Variants in TUNAR observed in about 807,000 individuals in gnomAD.
TUNAR encodes protein TUNAR.
intron 2 of TUNAR, among the ~76,000 whole-genome samples, chr14:95,890,599 C>T (rs578033181): frequency 1.2e-4 from 18 of 152,274 alleles, no homozygotes; most frequent in Admixed American, 5.9e-4. Context: ...AGAAATAGCA[C>T]GTTCACTACA....
chr14:95,897,433 T>C (rs1026043045), intron 2 of TUNAR, among the ~76,000 whole-genome samples: 2 of 152,252 alleles, frequency 1.3e-5, no homozygotes, highest in Non-Finnish European at 2.9e-5. Flanking sequence ...GTGAGGTTGT[T>C]AATCCATATT....
chr14:95,903,410 T>C (rs577705673), intron 2 of TUNAR, among the ~76,000 whole-genome samples: 1 of 152,276 alleles, frequency 6.6e-6, no homozygotes, highest in African/African-American at 2.4e-5. Flanking sequence ...AGCACGATTG[T>C]CCCTGTGCAG....
At chr14:95,903,693 G>A (rs1595121478) in intron 2 of TUNAR, among the ~76,000 whole-genome samples, 1 of 152,242 alleles carries the variant, frequency 6.6e-6, no homozygotes, top group African/African-American at 2.4e-5. Context: ...ACAGAAGGTC[G>A]TTATTATCTC....
intron 2 of TUNAR, among the ~76,000 whole-genome samples, chr14:95,893,458 T>G (rs945728364): frequency 4.6e-5 from 7 of 152,136 alleles, no homozygotes; most frequent in Non-Finnish European, 8.8e-5. Flanking sequence ...CCCTCACTCC[T>G]TATGGCTCTA....
chr14:95,884,647 G>A (rs1566784878), intron 2 of TUNAR, among the ~76,000 whole-genome samples: 1 of 152,116 alleles, frequency 6.6e-6, no homozygotes, highest in Non-Finnish European at 1.5e-5. Context: ...TTTTTTCGAG[G>A]AAGTTTCTGG....
intron 2 of TUNAR, among the ~76,000 whole-genome samples, chr14:95,878,860 A>C (rs900751031): frequency 1.3e-5 from 2 of 152,264 alleles, no homozygotes; most frequent in Non-Finnish European, 2.9e-5. Flanking sequence ...ACAATGCATT[A>C]AGAAGATGCC....
intron 2 of TUNAR, among the ~76,000 whole-genome samples, chr14:95,918,273 ACT>A (rs1423262196): frequency 1.3e-5 from 2 of 151,532 alleles, no homozygotes; most frequent in Non-Finnish European, 2.9e-5. Flanking sequence ...TTCCCGTTAC[ACT>A]CTCTAATCCA....
chr14:95,924,862 CA>C (rs1278330843), exon 3 of TUNAR: 1 of 152,218 alleles, frequency 6.6e-6, no homozygotes, highest in African/African-American at 2.4e-5. Flanking sequence ...TGGCTGGATT[CA>C]AATGATTCTG....
intron 2 of TUNAR, among the ~76,000 whole-genome samples, chr14:95,899,652 C>T (rs1308324530): frequency 1.3e-5 from 2 of 152,114 alleles, no homozygotes; most frequent in African/African-American, 2.4e-5. Flanking sequence ...AGGGCCCACT[C>T]GGTGGTTTGC....
intron 2 of TUNAR, among the ~76,000 whole-genome samples, chr14:95,910,005 C>A (rs1889488100): frequency 6.6e-6 from 1 of 152,146 alleles, no homozygotes; most frequent in African/African-American, 2.4e-5. Flanking sequence ...CATTTGAGGG[C>A]AGGCAGGAGA....
intron 2 of TUNAR, among the ~76,000 whole-genome samples, chr14:95,886,649 G>A (rs185752353): frequency 3.9e-5 from 6 of 152,336 alleles, no homozygotes; most frequent in East Asian, 3.9e-4. Context: ...CCTGGGAAGG[G>A]AATGCAATTC....
chr14:95,913,097 CT>C (rs751261623), intron 2 of TUNAR, among the ~76,000 whole-genome samples: 105 of 130,380 alleles, frequency 8.1e-4, no homozygotes, highest in Middle Eastern at 8.0e-3. Context: ...AGCCGGGCAT[CT>C]TTTTTTTTTT....
intron 2 of TUNAR, among the ~76,000 whole-genome samples, chr14:95,906,272 G>A (rs1465563347): frequency 3.3e-5 from 5 of 152,124 alleles, no homozygotes; most frequent in Admixed American, 6.6e-5. Context: ...GGAATGATAT[G>A]GACAGGCACT....
chr14:95,913,034 G>T (rs553826269), intron 2 of TUNAR, among the ~76,000 whole-genome samples: 1 of 151,556 alleles, frequency 6.6e-6, no homozygotes, highest in Non-Finnish European at 1.5e-5. Flanking sequence ...CTCGTGATCC[G>T]CCCGCCTCGG....
At chr14:95,907,603 G>A (rs1889446616) in intron 2 of TUNAR, among the ~76,000 whole-genome samples, 1 of 152,200 alleles carries the variant, frequency 6.6e-6, no homozygotes, top group African/African-American at 2.4e-5. Context: ...TGAGCAAGAT[G>A]AAGAGGTGCT....
intron 2 of TUNAR, among the ~76,000 whole-genome samples, chr14:95,888,749 A>G (rs1160990884): frequency 6.6e-6 from 1 of 152,076 alleles, no homozygotes; most frequent in East Asian, 1.9e-4. Context: ...GTCACATAGT[A>G]TCACTTCCGG....
intron 2 of TUNAR, among the ~76,000 whole-genome samples, chr14:95,881,119 A>G (rs571980729): frequency 1.1e-4 from 16 of 152,324 alleles, no homozygotes; most frequent in African/African-American, 3.8e-4. Context: ...CTAGATAACC[A>G]TGGCACTAAA....
intron 2 of TUNAR, among the ~76,000 whole-genome samples, chr14:95,898,102 C>T (rs1889293465): frequency 6.6e-6 from 1 of 152,114 alleles, no homozygotes; most frequent in Non-Finnish European, 1.5e-5. Flanking sequence ...CTTAAGTTAC[C>T]TCCTAAGAAA....
chr14:95,893,754 C>T (rs1889216556), intron 2 of TUNAR, among the ~76,000 whole-genome samples: 1 of 152,224 alleles, frequency 6.6e-6, no homozygotes, highest in Admixed American at 6.5e-5. Context: ...GCCCAGGCTC[C>T]TCACTTTGTA....
Sources: gnomAD v4.1 joint callset for allele counts (sites outside exome capture counted in the v4.1 genomes callset) on GRCh38, gnomAD v4.1.1 for gene constraint, MANE v1.5 for transcripts, NCBI Gene and HGNC (gene_info 2026-07-23, HGNC 2026-07-21) for gene names.